The following CNTNAP2 variants were observed in gnomAD, a reference collection of about 807,000 sequenced individuals.
The protein encoded by CNTNAP2 is contactin associated protein 2, also known as contactin-associated protein-like 2.
CNTNAP2 carries 98 observed loss-of-function variants against 155.2 expected under a neutral mutation model. The ratio of observed to expected loss-of-function variants is 0.63; its 90% confidence interval spans 0.54 to 0.75. The LOEUF is 0.75. Ranked by LOEUF, CNTNAP2 falls within the 30% of genes least tolerant of loss-of-function variation. The pLI, the probability that CNTNAP2 is intolerant of heterozygous loss-of-function variation, is 0.00. For missense variants in CNTNAP2, 1,727 were observed against 1,688.1 expected (o/e 1.02, Z -0.40); for synonymous variants, 651 against 631.2 (o/e 1.03, Z -0.47).
chr7:146,218,907 G>A (rs778289284), intron 1 of CNTNAP2, among the ~76,000 whole-genome samples: 2 of 152,064 alleles, frequency 1.3e-5, no homozygotes, highest in African/African-American at 4.8e-5. Flanking sequence ...TGCCCTTCTT[G>A]TAATCTGGAG....
At chr7:147,421,658 T>TTGATATAG (rs1167578594) in intron 10 of CNTNAP2, among the ~76,000 whole-genome samples, 3 of 151,070 alleles carry the variant, frequency 2.0e-5, no homozygotes, top group Non-Finnish European at 4.4e-5. Context: ...TCTATAGATA[T>TTGATATAG]TGATATAGTT....
intron 1 of CNTNAP2, among the ~76,000 whole-genome samples, chr7:146,728,479 T>C (rs1801470199): frequency 6.6e-6 from 1 of 152,156 alleles, no homozygotes; most frequent in Admixed American, 6.5e-5. Flanking sequence ...TTCCAGAAGT[T>C]ACTGAAGATA....
chr7:147,954,090 GCA>G (rs1187995293), intron 14 of CNTNAP2, among the ~76,000 whole-genome samples: 1 of 152,154 alleles, frequency 6.6e-6, no homozygotes, highest in East Asian at 1.9e-4. Context: ...AGGGAGATGA[GCA>G]GGAAGACATG....
At position 147,693,817 on chromosome 7, in the gene CNTNAP2, A is replaced by C. The variant is rs117986992; in HGVS notation, c.2098+54511A>C. Among the ~76,000 whole-genome samples the C allele has an allele frequency of 5.1e-3, 770 of 151,904 alleles. 1 individual carries two copies. Among genetic ancestry groups the C allele is most frequent in the Non-Finnish European group, 8.3e-3 (560 of 67,852 alleles). ...ACACAGTTTTATTTCTTCCTCTCCA[A>C]TATGTATACCTTTTCTTTTATTTTC... On this transcript the variant is annotated intron_variant, in intron 13 of 23. Transcript: ENST00000361727.
chr7:147,297,885 A>T (rs1794868517), intron 8 of CNTNAP2, among the ~76,000 whole-genome samples: 1 of 152,130 alleles, frequency 6.6e-6, no homozygotes, highest in South Asian at 2.1e-4. Context: ...CAAACATAGG[A>T]GTGCAGATAT....
intron 18 of CNTNAP2, among the ~76,000 whole-genome samples, chr7:148,188,278 G>GA (rs1332835603): frequency 1.3e-5 from 2 of 152,286 alleles, no homozygotes; most frequent in East Asian, 3.9e-4. Flanking sequence ...GTGGGTCTGG[G>GA]AGGATGGTAA....
chr7:148,174,486 C>T (rs781692842), intron 18 of CNTNAP2, among the ~76,000 whole-genome samples: 1 of 152,136 alleles, frequency 6.6e-6, no homozygotes, highest in Non-Finnish European at 1.5e-5. Flanking sequence ...TGGCATTGGC[C>T]GAAGAATGAG....
chr7:148,120,542 C>G (rs1249294742), intron 16 of CNTNAP2, among the ~76,000 whole-genome samples: 1 of 152,108 alleles, frequency 6.6e-6, no homozygotes, highest in African/African-American at 2.4e-5. Context: ...GCTGGGATTA[C>G]AGGCATGAGC....
intron 18 of CNTNAP2, among the ~76,000 whole-genome samples, chr7:148,202,439 T>C (rs576482178): frequency 1.3e-5 from 2 of 152,332 alleles, no homozygotes; most frequent in South Asian, 2.1e-4. Context: ...GTTGATTTTA[T>C]GTGTACGGAG....
intron 1 of CNTNAP2, among the ~76,000 whole-genome samples, chr7:146,703,251 G>T (rs1002356832): frequency 6.6e-6 from 1 of 152,094 alleles, no homozygotes; most frequent in East Asian, 1.9e-4. Flanking sequence ...TCTCAGCATG[G>T]TGAAATAGCT....
chr7:147,027,792 A>T (rs1400459278), intron 3 of CNTNAP2, among the ~76,000 whole-genome samples: 1 of 152,194 alleles, frequency 6.6e-6, no homozygotes, highest in Non-Finnish European at 1.5e-5. Flanking sequence ...CACCTGGGAC[A>T]TTGTGAATGT....
rs564184810 is a variant in CNTNAP2, at chr7:146,241,680, A to T, written c.97+124707A>T. ...GAGGAAATTGTGAAATATGGTTCAG[A>T]TATGATAGAGAATCATAGCCCATAG... On this transcript the variant is annotated intron_variant, in intron 1 of 23. Coordinates refer to ENST00000361727, the MANE Select transcript of CNTNAP2 (RefSeq NM_014141.6). Among the ~76,000 whole-genome samples, 20 of 152,278 alleles carry T rather than the reference A, an allele frequency of 1.3e-4. No individual in the cohort carries two copies. The South Asian group carries it at 3.9e-3, about 30-fold the overall frequency.
chr7:147,391,475 A>C (rs1050598109), intron 9 of CNTNAP2, among the ~76,000 whole-genome samples: 1 of 152,068 alleles, frequency 6.6e-6, no homozygotes, highest in Non-Finnish European at 1.5e-5. Flanking sequence ...CTTTCAGTAC[A>C]AGCTGGTGGT....
At chr7:146,585,753 AAAGAAAGAAAG>A (rs1238263047) in intron 1 of CNTNAP2, among the ~76,000 whole-genome samples, 3 of 151,438 alleles carry the variant, frequency 2.0e-5, no homozygotes, top group African/African-American at 4.9e-5. Context: ...AGAAAGAAGG[AAAGAAAGAAAG>A]GAAAGAAAGA....
At chr7:147,165,840 T>C (rs1802103426) in intron 8 of CNTNAP2, among the ~76,000 whole-genome samples, 1 of 152,182 alleles carries the variant, frequency 6.6e-6, no homozygotes, top group Non-Finnish European at 1.5e-5. Flanking sequence ...CATGCCTATT[T>C]TATACCAGTA....
intron 13 of CNTNAP2, among the ~76,000 whole-genome samples, chr7:147,729,244 G>A (rs1796695659): frequency 6.6e-6 from 1 of 151,676 alleles, no homozygotes; most frequent in African/African-American, 2.4e-5. Context: ...GAGGAAGAAT[G>A]CGTATTAAAG....
intron 10 of CNTNAP2, among the ~76,000 whole-genome samples, chr7:147,416,552 T>C (rs1035503249): frequency 1.3e-4 from 20 of 152,360 alleles, no homozygotes; most frequent in African/African-American, 4.6e-4. Flanking sequence ...TGTTTCAGAA[T>C]GGCCAACTGT....
intron 10 of CNTNAP2, among the ~76,000 whole-genome samples, chr7:147,418,832 CTA>C (rs943115598): frequency 9.2e-5 from 14 of 152,126 alleles, no homozygotes; most frequent in African/African-American, 3.1e-4. Flanking sequence ...AGGATAGAAT[CTA>C]GAGGTAAGTA....
chr7:147,610,728 G>A (rs1801168382), intron 12 of CNTNAP2, among the ~76,000 whole-genome samples: 3 of 151,932 alleles, frequency 2.0e-5, no homozygotes, highest in Admixed American at 2.0e-4. Context: ...GGAGCATCTG[G>A]CATGTTTGTT....
Sources: allele counts gnomAD v4.1 joint callset (sites outside exome capture counted in the v4.1 genomes callset), GRCh38; gene constraint gnomAD v4.1.1; transcripts MANE v1.5; gene names NCBI Gene and HGNC (gene_info 2026-07-23, HGNC 2026-07-21).